Variants in TMEM177 observed in about 807,000 individuals in gnomAD.
TMEM177 encodes the protein transmembrane protein 177.
Under a neutral mutation model 14.2 loss-of-function variants are expected in TMEM177, and 4 were observed. The ratio of observed to expected loss-of-function variants is 0.28; its 90% CI spans 0.14 to 0.64. The LOEUF (loss-of-function observed/expected upper bound fraction) is 0.64. Among genes scored for constraint, TMEM177 ranks in the 30% least tolerant of loss-of-function variants. The probability of loss-of-function intolerance (pLI) is 0.82; values close to 1 mark genes in which losing one functional copy is unlikely to be tolerated. For missense variants in TMEM177, 344 were observed against 405.2 expected (o/e 0.85, Z 1.30); for synonymous variants, 179 against 174.5 (o/e 1.03, Z -0.20).
Position 119,681,195 on chromosome 2 carries a change from A to C in TMEM177, c.342A>C (p.Leu114=), listed in dbSNP as rs1234733313. The change falls in exon 2 of 2, where the codon CTA becomes CTC. Residue 114 remains leucine, a synonymous_variant. Coordinates refer to ENST00000272521, the MANE Select transcript of TMEM177 (RefSeq NM_030577.3). Reference sequence around the variant, plus strand: ...TCCCTGCCAGTTTCTTGGGAGACCTAGTGATCAACACTAACCATCCCGTGG... The same window carrying C: ...TCCCTGCCAGTTTCTTGGGAGACCTCGTGATCAACACTAACCATCCCGTGG... The part of the protein sequence containing the change: ...VGIPASFLGD[L]VINTNHPVVI... 1 of 1,614,110 alleles carries C rather than the reference A, an allele frequency of 6.2e-7. No individual in the cohort carries two copies. The highest frequency in any genetic ancestry group is 1.3e-5 in the African/African-American group (1 of 74,946).
chr2:119,718,144 G>T, the TMEM177 span, among the ~76,000 whole-genome samples: 1 of 152,088 alleles, frequency 6.6e-6, no homozygotes, highest in Non-Finnish European at 1.5e-5. Flanking sequence ...GGAATAAAGC[G>T]GACAGTTCCT....
At chr2:119,707,068 C>G in the TMEM177 span, among the ~76,000 whole-genome samples, 50 of 152,086 alleles carry the variant, frequency 3.3e-4, no homozygotes, top group Non-Finnish European at 5.7e-4. Context: ...CCCACCACAA[C>G]GCCCAGCTAA....
chr2:119,722,186 C>A, the TMEM177 span, among the ~76,000 whole-genome samples: 1 of 152,104 alleles, frequency 6.6e-6, no homozygotes, highest in Non-Finnish European at 1.5e-5. Context: ...TTGAGACCAG[C>A]CTGGGCGACA....
the TMEM177 span, among the ~76,000 whole-genome samples, chr2:119,717,330 GAA>G: frequency 7.4e-6 from 1 of 134,430 alleles, no homozygotes. Flanking sequence ...ACTCCATCTG[GAA>G]AAAAAAAAAA....
At chr2:119,717,405 G>C in the TMEM177 span, among the ~76,000 whole-genome samples, 1 of 152,104 alleles carries the variant, frequency 6.6e-6, no homozygotes, top group Non-Finnish European at 1.5e-5. Flanking sequence ...GCTCTTGTGA[G>C]TGTGGGGCCC....
At chr2:119,702,922 A>G in the TMEM177 span, among the ~76,000 whole-genome samples, 1 of 152,264 alleles carries the variant, frequency 6.6e-6, no homozygotes, top group Non-Finnish European at 1.5e-5. Flanking sequence ...GGCTGGTACC[A>G]GAGCCTGGGT....
At chr2:119,702,752 C>T in the TMEM177 span, among the ~76,000 whole-genome samples, 1 of 152,154 alleles carries the variant, frequency 6.6e-6, no homozygotes, top group Middle Eastern at 3.2e-3. Flanking sequence ...CAGAAGGCTT[C>T]CTGGAGGAGG....
chr2:119,690,331 G>A (rs917543962), downstream of TMEM177, among the ~76,000 whole-genome samples: 2 of 151,922 alleles, frequency 1.3e-5, no homozygotes, highest in Non-Finnish European at 2.9e-5. Flanking sequence ...AGTTTCCCGA[G>A]GCCTCCCCAG....
downstream of TMEM177, among the ~76,000 whole-genome samples, chr2:119,682,984 A>T (rs1476781686): frequency 6.6e-6 from 1 of 152,188 alleles, no homozygotes; most frequent in Non-Finnish European, 1.5e-5. Context: ...GGACCACAGC[A>T]GGGCAAGGTG....
the TMEM177 span, among the ~76,000 whole-genome samples, chr2:119,720,752 A>G: frequency 1.3e-5 from 2 of 152,214 alleles, no homozygotes; most frequent in African/African-American, 4.8e-5. Flanking sequence ...GTGAAATAAT[A>G]GTTCTTATTG....
At chr2:119,684,719 G>A (rs1016858533), downstream of TMEM177, among the ~76,000 whole-genome samples, 28 of 152,172 alleles carry the variant, frequency 1.8e-4, no homozygotes, top group Admixed American at 1.2e-3. Context: ...CCCACCTTGG[G>A]ACTTGCCAAG....
chr2:119,703,399 G>T, the TMEM177 span, among the ~76,000 whole-genome samples: 1 of 152,126 alleles, frequency 6.6e-6, no homozygotes, highest in Non-Finnish European at 1.5e-5. Flanking sequence ...CATGTAAAAT[G>T]GCAGATGTTG....
At chr2:119,702,116 C>G in the TMEM177 span, among the ~76,000 whole-genome samples, 1 of 152,230 alleles carries the variant, frequency 6.6e-6, no homozygotes, top group African/African-American at 2.4e-5. Flanking sequence ...TCCTGCAAAG[C>G]CAGGCTGGTC....
chr2:119,692,376 G>A, the TMEM177 span, among the ~76,000 whole-genome samples: 2 of 152,250 alleles, frequency 1.3e-5, no homozygotes, highest in Non-Finnish European at 2.9e-5. Flanking sequence ...CCTGGACACA[G>A]CTAGAGAGAT....
At chr2:119,699,909 TGAACTTAAGGGTTTA>T in the TMEM177 span, 1 of 453,742 alleles carries the variant, frequency 2.2e-6, no homozygotes, top group Non-Finnish European at 4.4e-6. Flanking sequence ...AGAGCAATGC[TGAACTTAAGGGTTTA>T]GATGTAGATT....
At chr2:119,698,266 T>A in the TMEM177 span, among the ~76,000 whole-genome samples, 1 of 151,980 alleles carries the variant, frequency 6.6e-6, no homozygotes, top group Non-Finnish European at 1.5e-5. Flanking sequence ...AGGAAGGGGG[T>A]CAAAGTGTTC....
the TMEM177 span, chr2:119,700,121 G>A: frequency 4.1e-6 from 1 of 242,018 alleles, no homozygotes; most frequent in South Asian, 6.9e-5. Context: ...TAGCGCAGAA[G>A]AAACTAAAGA....
chr2:119,679,974 A>C (rs1327249423), intron 1 of TMEM177, among the ~76,000 whole-genome samples: 1 of 152,190 alleles, frequency 6.6e-6, no homozygotes, highest in African/African-American at 2.4e-5. Context: ...CTGGAAGTTC[A>C]AGACCAGGGT....
the TMEM177 span, among the ~76,000 whole-genome samples, chr2:119,717,105 G>A: frequency 6.6e-6 from 1 of 152,222 alleles, no homozygotes; most frequent in Admixed American, 6.5e-5. Context: ...GACACCATGG[G>A]CCTCAGGGGT....
Sources: allele counts gnomAD v4.1 joint callset (sites outside exome capture counted in the v4.1 genomes callset), GRCh38; gene constraint gnomAD v4.1.1; transcripts MANE v1.5; gene names NCBI Gene and HGNC (gene_info 2026-07-23, HGNC 2026-07-21).